The following DPYSL2 variants were observed in gnomAD, a reference collection of about 807,000 sequenced individuals.
DPYSL2 encodes the protein dihydropyrimidinase like 2.
Under a neutral mutation model 69.9 loss-of-function variants are expected in DPYSL2, and 13 were observed. That is an observed-to-expected ratio of 0.19 (90% CI 0.12 to 0.30). The LOEUF (loss-of-function observed/expected upper bound fraction) is 0.30, where lower values mean the gene tolerates loss of function less well. Ranked by LOEUF, DPYSL2 falls within the 10% of genes least tolerant of loss-of-function variation. The pLI, the probability that DPYSL2 is intolerant of heterozygous loss-of-function variation, is 1.00. For missense variants in DPYSL2, 587 were observed against 918.9 expected, an observed-to-expected ratio of 0.64 and a Z score of 4.67; for synonymous variants, 326 against 359.1, an observed-to-expected ratio of 0.91 and a Z score of 1.04.
At chr8:26,526,574 C>G (rs868555283) in intron 1 of DPYSL2, among the ~76,000 whole-genome samples, 1 of 152,176 alleles carries the variant, frequency 6.6e-6, no homozygotes, top group Non-Finnish European at 1.5e-5. Flanking sequence ...ACTATAACTT[C>G]TAGAACCATG....
intron 3 of DPYSL2, among the ~76,000 whole-genome samples, chr8:26,595,259 C>T (rs1039772803): frequency 2.6e-5 from 4 of 151,918 alleles, no homozygotes; most frequent in African/African-American, 9.7e-5. Flanking sequence ...GGCTTATAAT[C>T]CTGTAAGAAG....
At chr8:26,556,053 T>C (rs1261339248) in intron 1 of DPYSL2, among the ~76,000 whole-genome samples, 1 of 90,802 alleles carries the variant, frequency 1.1e-5, no homozygotes, top group Non-Finnish European at 2.0e-5. Context: ...GTTTATAGTA[T>C]ATATAAATTA....
intron 1 of DPYSL2, among the ~76,000 whole-genome samples, chr8:26,574,685 A>G (rs1430566567): frequency 6.6e-6 from 1 of 152,246 alleles, no homozygotes; most frequent in East Asian, 1.9e-4. Flanking sequence ...ATTCACAAAT[A>G]ATAATTCATA....
chr8:26,616,875 C>T (rs1371119580), intron 3 of DPYSL2, among the ~76,000 whole-genome samples: 1 of 152,126 alleles, frequency 6.6e-6, no homozygotes, highest in Non-Finnish European at 1.5e-5. Flanking sequence ...CTCCCTCCTC[C>T]CTTCTATTCC....
intron 1 of DPYSL2, among the ~76,000 whole-genome samples, chr8:26,568,678 A>G (rs1394792476): frequency 2.0e-5 from 3 of 152,200 alleles, no homozygotes; most frequent in Admixed American, 6.5e-5. Flanking sequence ...TTTTCAGTAC[A>G]TTGATCATGG....
At position 26,643,655 on chromosome 8, in the gene DPYSL2, T is replaced by C. The variant is rs1803101535; in HGVS notation, c.1283+60T>C. The stretch of plus-strand genomic sequence containing the variant: ...TGTCTTTCTTCAGACCAGACTGACC[T>C]GTTAGGCGAAAACAACATGGTGGCC... On this transcript the variant is annotated intron_variant, in intron 9 of 13. Transcript: ENST00000521913. This position sits in a 1 kb window ranked among gnomAD's most constrained non-coding sequence, Gnocchi z 6.5. 6.2e-7 allele frequency: 1 copy of C among 1,610,802 alleles called. No homozygotes were observed. Among genetic ancestry groups the C allele is most frequent in the African/African-American group, 1.3e-5 (1 of 74,976 alleles).
intron 1 of DPYSL2, among the ~76,000 whole-genome samples, chr8:26,581,315 G>T (rs1801488162): frequency 2.7e-5 from 4 of 149,938 alleles, no homozygotes; most frequent in South Asian, 2.1e-4. Context: ...GGTTTTTTTT[G>T]TTGTTGTTTG....
chr8:26,527,147 C>T (rs1382509158), intron 1 of DPYSL2, among the ~76,000 whole-genome samples: 1 of 152,202 alleles, frequency 6.6e-6, no homozygotes, highest in African/African-American at 2.4e-5. Context: ...GGCCTGGCTG[C>T]TGCTGACGGT....
In DPYSL2 at chr8:26,564,147, T is replaced by A. The variant is rs1563388335; in HGVS notation, c.355-17822T>A. 6.6e-6 allele frequency among the ~76,000 whole-genome samples: 1 copy of A among 152,306 alleles called. No homozygotes were observed. Among genetic ancestry groups the A allele is most frequent in the East Asian group, 1.9e-4 (1 of 5,184 alleles). On this transcript the variant is annotated intron_variant, in intron 1 of 13. Transcript: ENST00000521913. This position sits in a 1 kb window ranked among gnomAD's most constrained non-coding sequence, Gnocchi z 4.8. ...AGTATCACAATGAGCTCAGTTAAAATAAAGATCACAAAGTGCGCATTAGCT... is the reference window on the plus strand; with the variant it reads ...AGTATCACAATGAGCTCAGTTAAAAAAAAGATCACAAAGTGCGCATTAGCT...
rs1802308436 is a variant in DPYSL2 at position 26,614,707 on chromosome 8, A to G, written c.629-9436A>G. ...ATGGTGCCACTTGATTTATATGAAG[A>G]TACTGGTTTAGTTTTAAAAGCAAAC... On this transcript the variant is annotated intron_variant, in intron 3 of 13. Coordinates refer to ENST00000521913, the MANE Select transcript of DPYSL2 (RefSeq NM_001197293.3). The surrounding 1 kb of genome is among the most constrained non-coding windows in gnomAD (Gnocchi z 4.9). Among the ~76,000 whole-genome samples, 1 of 152,176 alleles carries G rather than the reference A, an allele frequency of 6.6e-6. No individual in the cohort carries two copies. Among genetic ancestry groups the G allele is most frequent in the Admixed American group, 6.5e-5 (1 of 15,284 alleles).
chr8:26,569,923 A>G (rs1215143780), intron 1 of DPYSL2, among the ~76,000 whole-genome samples: 1 of 152,134 alleles, frequency 6.6e-6, no homozygotes, highest in Non-Finnish European at 1.5e-5. Context: ...GGGTAAGATC[A>G]GTCGGGCGCG....
rs1280227561 is a variant in DPYSL2 at position 26,587,943 on chromosome 8, G to A, written c.628+3960G>A. Among the ~76,000 whole-genome samples, 4 of 152,172 alleles carry A rather than the reference G, an allele frequency of 2.6e-5. No individual in the cohort carries two copies. The highest frequency in any genetic ancestry group is 6.5e-5 in the Admixed American group (1 of 15,278). On this transcript the variant is annotated intron_variant, in intron 3 of 13. Transcript: ENST00000521913. This position sits in a 1 kb window ranked among gnomAD's most constrained non-coding sequence, Gnocchi z 4.2. ...CGACTTGCCAACACTTACCCTGTGCGTCGGTGCAGGTGGCCAGGTGTGGAA... is the reference window on the plus strand; with the variant it reads ...CGACTTGCCAACACTTACCCTGTGCATCGGTGCAGGTGGCCAGGTGTGGAA...
At chr8:26,552,091 G>A (rs974871205) in intron 1 of DPYSL2, among the ~76,000 whole-genome samples, 2 of 152,150 alleles carry the variant, frequency 1.3e-5, no homozygotes, top group Non-Finnish European at 2.9e-5. Flanking sequence ...TGGGATTACA[G>A]GTGTGAGCCA....
chr8:26,520,126 T>G (rs1808361953), intron 1 of DPYSL2, among the ~76,000 whole-genome samples: 1 of 152,214 alleles, frequency 6.6e-6, no homozygotes, highest in Non-Finnish European at 1.5e-5. Flanking sequence ...GTTTTCCCCT[T>G]TTGCTTGGTT....
chr8:26,530,679 G>A (rs1209030851), intron 1 of DPYSL2, among the ~76,000 whole-genome samples: 2 of 152,200 alleles, frequency 1.3e-5, no homozygotes, highest in East Asian at 1.9e-4. Flanking sequence ...TTCCGATGCT[G>A]TTTTTCAAAC....
At chr8:26,625,778 A>G (rs1168535439) in intron 4 of DPYSL2, among the ~76,000 whole-genome samples, 11 of 152,246 alleles carry the variant, frequency 7.2e-5, no homozygotes, top group Non-Finnish European at 1.5e-4. Flanking sequence ...TACAGTCGCA[A>G]CAGACTTGTT....
chr8:26,537,634 A>ACACACACACACAC (rs1554533026), intron 1 of DPYSL2, among the ~76,000 whole-genome samples: 6 of 150,578 alleles, frequency 4.0e-5, no homozygotes, highest in Non-Finnish European at 4.4e-5. Flanking sequence ...ACACACACAC[A>ACACACACACACAC]ACTGTATATT....
intron 3 of DPYSL2, among the ~76,000 whole-genome samples, chr8:26,602,533 G>A (rs1313396114): frequency 1.3e-5 from 2 of 152,218 alleles, no homozygotes; most frequent in Non-Finnish European, 2.9e-5. Flanking sequence ...GAGAAAGCAT[G>A]TGGTCACCTT....
chr8:26,644,140 C>T lies in DPYSL2; in HGVS notation c.1425+49C>T. The stretch of plus-strand genomic sequence containing the variant: ...TTGGTGGCTCTCAGCCTTCCTTGTC[C>T]TCCTCATCTGGGGGCCATGGGGCTC... On this transcript the variant is annotated intron_variant, in intron 10 of 13. Coordinates refer to ENST00000521913, the MANE Select transcript of DPYSL2 (RefSeq NM_001197293.3). This position sits in a 1 kb window ranked among gnomAD's most constrained non-coding sequence, Gnocchi z 4.5. 2.5e-6 allele frequency: 4 copies of T among 1,596,024 alleles called. No homozygotes were observed. Among genetic ancestry groups the T allele is most frequent in the South Asian group, 1.1e-5 (1 of 88,126 alleles).
Sources: allele counts gnomAD v4.1 joint callset (sites outside exome capture counted in the v4.1 genomes callset), GRCh38; gene constraint gnomAD v4.1.1; non-coding constraint Gnocchi (gnomAD v3.1); transcripts MANE v1.5; gene names NCBI Gene and HGNC (gene_info 2026-07-23, HGNC 2026-07-21).